The following DNAH11 variants were observed in gnomAD, a reference collection of about 807,000 sequenced individuals.
The protein encoded by DNAH11 is axonemal beta dynein heavy chain 11.
DNAH11 carries 442 observed loss-of-function variants against 526.0 expected under a neutral mutation model. The ratio of observed to expected loss-of-function variants is 0.84; its 90% confidence interval spans 0.78 to 0.91. DNAH11 has a LOEUF of 0.91. Ranked by LOEUF, DNAH11 falls within the 40% of genes least tolerant of loss-of-function variation. The pLI is 0.00. For missense variants in DNAH11, 6,989 were observed against 5,448.7 expected, an observed-to-expected ratio of 1.28 and a Z score of -8.90; for synonymous variants, 2,461 against 1,935.9, an observed-to-expected ratio of 1.27 and a Z score of -7.12.
intron 65 of DNAH11, among the ~76,000 whole-genome samples, chr7:21,824,351 A>G (rs748875044): frequency 2.0e-4 from 31 of 152,162 alleles, no homozygotes; most frequent in South Asian, 2.1e-4. Flanking sequence ...AAGGTAGCCA[A>G]TGTTCACATA....
chr7:21,586,001 C>A (rs867259201), intron 9 of DNAH11, among the ~76,000 whole-genome samples: 1 of 152,266 alleles, frequency 6.6e-6, no homozygotes, highest in East Asian at 1.9e-4. Context: ...GTTGAAATGA[C>A]CTTTACTCTC....
chr7:21,676,980 T>A (rs758612577), intron 30 of DNAH11, among the ~76,000 whole-genome samples: 6 of 152,208 alleles, frequency 3.9e-5, no homozygotes, highest in Non-Finnish European at 8.8e-5. Flanking sequence ...CTCTGACAGT[T>A]CTTCAGTGGC....
intron 57 of DNAH11, among the ~76,000 whole-genome samples, chr7:21,781,302 C>T (rs996126570): frequency 3.3e-5 from 5 of 152,156 alleles, no homozygotes; most frequent in African/African-American, 1.2e-4. Flanking sequence ...TTGCCGTGAA[C>T]CTTGACAGCC....
intron 65 of DNAH11, among the ~76,000 whole-genome samples, chr7:21,837,677 A>T (rs1407795052): frequency 1.3e-5 from 2 of 152,296 alleles, no homozygotes; most frequent in East Asian, 3.9e-4. Flanking sequence ...CATTATCAAG[A>T]TATAATTTAC....
chr7:21,640,412 G>A (rs1198441116), intron 28 of DNAH11, among the ~76,000 whole-genome samples: 1 of 152,042 alleles, frequency 6.6e-6, no homozygotes, highest in African/African-American at 2.4e-5. Context: ...ACGTGTTTCT[G>A]AATACTTTTC....
chr7:21,882,521 C>T (rs906515428), intron 75 of DNAH11, among the ~76,000 whole-genome samples: 1 of 152,140 alleles, frequency 6.6e-6, no homozygotes. Flanking sequence ...TGAGGCCAGG[C>T]GTGATGGCTC....
At chr7:21,869,081 C>A (rs192615862) in intron 73 of DNAH11, 90 bp downstream of exon 73, 1 of 1,554,316 alleles carries the variant, frequency 6.4e-7, no homozygotes, top group Admixed American at 2.0e-5. Context: ...GCTCCCTTAA[C>A]ACCGCTGTGC....
In DNAH11 at chr7:21,807,754, G is replaced by A. The variant is rs72657392; in HGVS notation, c.10166-129G>A. On this transcript the variant is annotated intron_variant, in intron 62 of 81. Transcript: ENST00000409508. The stretch of plus-strand genomic sequence containing the variant: ...AAGATTATAACAGTCACACCAACCC[G>A]TTACACTCTGTTCCTTATAGTGACT... 1.3e-3 allele frequency: 989 copies of A among 770,572 alleles called. 2 individuals carry two copies. The highest frequency in any genetic ancestry group is 1.7e-3 in the Non-Finnish European group (866 of 515,574). The allele number at this position is 770,572 out of a possible 1,614,324, so 47.7% of individuals were successfully genotyped here. A position where few individuals can be genotyped will look rare whatever the true frequency, so the allele number is the denominator to read the frequency against.
Position 21,769,901 on chromosome 7 carries a change from G to A in DNAH11, c.9103-3865G>A, listed in dbSNP as rs568177188. The stretch of plus-strand genomic sequence containing the variant: ...TGACTGCAAGCTCATCTAGGAAATT[G>A]TTGGCTTCTGCTGGACTTTGTCTTG... On this transcript the variant is annotated intron_variant, in intron 55 of 81. Transcript: ENST00000409508. Among the ~76,000 whole-genome samples, 3 of 152,126 alleles carry A rather than the reference G, an allele frequency of 2.0e-5. No individual in the cohort carries two copies. The South Asian group carries it at 6.2e-4, about 32-fold the overall frequency.
intron 25 of DNAH11, among the ~76,000 whole-genome samples, chr7:21,631,720 G>C (rs1378749821): frequency 6.6e-6 from 1 of 152,218 alleles, no homozygotes; most frequent in African/African-American, 2.4e-5. Flanking sequence ...CGCCTCTGTG[G>C]CTTTTTGGGG....
chr7:21,899,370 G>A lies in DNAH11; in HGVS notation c.13084G>A (p.Asp4362Asn), dbSNP rs765948270. ...CCTCCTCCTGCGATGCCGAGAACTC[G>A]ATACTTGGACACAAGACCTTACCCT... Reference protein sequence around the residue: ...NDLLLRCRELDTWTQDLTLPA... With the variant: ...NDLLLRCRELNTWTQDLTLPA... The change falls in exon 80 of 82, where the codon GAT (aspartate) becomes AAT (asparagine). Residue 4362 changes from aspartate (D) to asparagine (N), a missense_variant. Physicochemically the swap from Asp to Asn is conservative, Grantham distance 23. Transcript: ENST00000409508. 2.3e-5 allele frequency: 37 copies of A among 1,613,806 alleles called. No individual in the cohort carries two copies. Among genetic ancestry groups the A allele is most frequent in the Middle Eastern group, 1.6e-4 (1 of 6,084 alleles).
chr7:21,641,471 A>T (rs538567047), intron 28 of DNAH11, among the ~76,000 whole-genome samples: 1 of 152,288 alleles, frequency 6.6e-6, no homozygotes, highest in African/African-American at 2.4e-5. Context: ...ACCCATGTCC[A>T]TTACCTTCAG....
Position 21,844,587 on chromosome 7 carries a change from G to T in DNAH11, c.10896+1839G>T, listed in dbSNP as rs182068772. Among the ~76,000 whole-genome samples, 80 of 152,274 alleles carry T rather than the reference G, an allele frequency of 5.3e-4. 1 individual carries two copies. The highest frequency in any genetic ancestry group is 1.9e-3 in the African/African-American group (79 of 41,558). On this transcript the variant is annotated intron_variant, in intron 66 of 81. Transcript: ENST00000409508. ...ATCTGGCCCTTTCCAGAAAACGATT[G>T]CCACCCTGGTATAAATCAGTGGTTC...
At chr7:21,900,555 A>G (rs149021522) in intron 81 of DNAH11, among the ~76,000 whole-genome samples, 6 of 151,392 alleles carry the variant, frequency 4.0e-5, no homozygotes, top group East Asian at 3.9e-4. Flanking sequence ...AGACTATGCA[A>G]TATTTTCCAA....
At chr7:21,700,726 T>G (rs1048594248) in intron 36 of DNAH11, among the ~76,000 whole-genome samples, 6 of 152,136 alleles carry the variant, frequency 3.9e-5, no homozygotes, top group Non-Finnish European at 5.9e-5. Context: ...CCATCAATGA[T>G]AGACTGGATC....
intron 66 of DNAH11, among the ~76,000 whole-genome samples, chr7:21,845,825 C>G (rs1782395950): frequency 6.6e-6 from 1 of 152,128 alleles, no homozygotes; most frequent in Admixed American, 6.6e-5. Flanking sequence ...AATGGCTTAA[C>G]AATACTCAGA....
At position 21,816,633 on chromosome 7, in the gene DNAH11, A is replaced by T; in HGVS notation, c.10499A>T (p.Gln3500Leu). ...ERWPLVIDPQ[Q>L]QGIKWIKNKY... The stretch of plus-strand genomic sequence containing the variant: ...TGGCCTCTGGTGATAGATCCCCAGC[A>T]ACAGGGAATTAAGTGGATCAAGAAT... The change falls in exon 64 of 82, where the codon CAA (glutamine) becomes CTA (leucine). Residue 3500 changes from glutamine to leucine, a missense_variant. Gln to Leu is a moderately radical substitution (Grantham distance 113). Transcript: ENST00000409508. 6.2e-7 allele frequency: 1 copy of T among 1,613,774 alleles called. No homozygotes were observed. The highest frequency in any genetic ancestry group is 1.7e-5 in the Admixed American group (1 of 59,970).
At chr7:21,792,019 G>A (rs1788499353) in intron 61 of DNAH11, among the ~76,000 whole-genome samples, 1 of 152,166 alleles carries the variant, frequency 6.6e-6, no homozygotes, top group Admixed American at 6.5e-5. Context: ...AGAAAGCAAA[G>A]GGGGATCAGG....
In DNAH11 at chr7:21,564,260, G is replaced by A. The variant is rs1490223974; in HGVS notation, c.1057G>A (p.Glu353Lys). Reference protein sequence around the residue: ...RRHIQCLQETEFPQTRILIAP... With the variant: ...RRHIQCLQETKFPQTRILIAP... ...ACACATCCAGTGTCTCCAGGAGACGGAATTCCCACAGACACGCATATTAAT... is the reference window on the plus strand; with the variant it reads ...ACACATCCAGTGTCTCCAGGAGACGAAATTCCCACAGACACGCATATTAAT... The change falls in exon 6 of 82, where the codon GAA becomes AAA. Residue 353 changes from glutamate to lysine, a missense_variant. By Grantham distance (56) the Glu-to-Lys change is moderately conservative. Coordinates refer to ENST00000409508, the MANE Select transcript of DNAH11 (RefSeq NM_001277115.2). 6.2e-7 allele frequency: 1 copy of A among 1,613,666 alleles called. No homozygotes were observed. Among genetic ancestry groups the A allele is most frequent in the Non-Finnish European group, 8.5e-7 (1 of 1,179,742 alleles).
Sources: gnomAD v4.1 joint callset for allele counts (sites outside exome capture counted in the v4.1 genomes callset) on GRCh38, gnomAD v4.1.1 for gene constraint, MANE v1.5 for transcripts, NCBI Gene and HGNC (gene_info 2026-07-23, HGNC 2026-07-21) for gene names.